Variants in UNC79 observed in about 807,000 individuals in gnomAD.
The protein encoded by UNC79 is protein unc-79 homolog.
A neutral mutation model predicts 283.1 loss-of-function variants in UNC79; 37 were observed. The ratio of observed to expected loss-of-function variants is 0.13; its 90% CI spans 0.10 to 0.17. The LOEUF is 0.17. UNC79 is among the 10% of genes least tolerant of loss of function. UNC79 has a pLI of 1.00. For synonymous variants in UNC79, 1,107 were observed against 1,200.2 expected (o/e 0.92, Z 1.61); for missense variants, 2,272 against 3,211.1 (o/e 0.71, Z 7.07).
intron 1 of UNC79, among the ~76,000 whole-genome samples, chr14:93,409,918 G>A (rs540312834): frequency 2.0e-5 from 3 of 152,242 alleles, no homozygotes; most frequent in African/African-American, 7.2e-5. Flanking sequence ...CTGAATAGAG[G>A]CTTCACCAAT....
intron 1 of UNC79, among the ~76,000 whole-genome samples, chr14:93,357,460 G>T (rs1002648803): frequency 1.9e-4 from 29 of 151,832 alleles, no homozygotes; most frequent in Non-Finnish European, 3.5e-4. Context: ...TGCCAGTGTG[G>T]CCAGAATATA....
intron 1 of UNC79, among the ~76,000 whole-genome samples, chr14:93,339,847 C>T (rs1485237879): frequency 6.6e-6 from 1 of 152,218 alleles, no homozygotes. Context: ...ATGACATTTA[C>T]ACATTAAATA....
At chr14:93,455,660 T>C (rs955611420) in intron 1 of UNC79, among the ~76,000 whole-genome samples, 2 of 152,212 alleles carry the variant, frequency 1.3e-5, no homozygotes, top group African/African-American at 4.8e-5. Flanking sequence ...ATTACAGTAG[T>C]AATTTATTAT....
At chr14:93,479,203 C>CCTTCCTTT (rs2057976805) in intron 4 of UNC79, among the ~76,000 whole-genome samples, 1 of 148,480 alleles carries the variant, frequency 6.7e-6, no homozygotes, top group South Asian at 2.2e-4. Flanking sequence ...TTCCTTCCTT[C>CCTTCCTTT]CTTCCTTCCT....
chr14:93,561,506 G>C (rs952559053), intron 14 of UNC79, among the ~76,000 whole-genome samples: 1 of 152,054 alleles, frequency 6.6e-6, no homozygotes, highest in African/African-American at 2.4e-5. Context: ...TAAGACGGGG[G>C]CAGCTGTGTA....
intron 7 of UNC79, among the ~76,000 whole-genome samples, chr14:93,500,485 C>A (rs547187694): frequency 5.5e-4 from 84 of 152,274 alleles, no homozygotes; most frequent in African/African-American, 1.9e-3. Flanking sequence ...TCATTCCGGT[C>A]TATAGATTAC....
exon 4 of UNC79, chr14:93,477,635 T>C: frequency 6.2e-7 from 1 of 1,613,274 alleles, no homozygotes. Flanking sequence ...TACTTTGCCC[T>C]ACACGATGAT....
intron 1 of UNC79, among the ~76,000 whole-genome samples, chr14:93,378,591 C>G (rs1246078733): frequency 2.0e-5 from 3 of 152,050 alleles, no homozygotes; most frequent in Admixed American, 6.6e-5. Flanking sequence ...GAACCATATA[C>G]AGATAGCCTG....
At chr14:93,424,036 A>G (rs371932189) in intron 1 of UNC79, among the ~76,000 whole-genome samples, 119 of 152,362 alleles carry the variant, frequency 7.8e-4, no homozygotes, top group African/African-American at 2.7e-3. Context: ...TAATAATCCA[A>G]TTCAAAAGTG....
At chr14:93,475,460 T>C (rs910837166) in intron 3 of UNC79, among the ~76,000 whole-genome samples, 2 of 152,202 alleles carry the variant, frequency 1.3e-5, no homozygotes, top group African/African-American at 4.8e-5. Context: ...ATAATGACTA[T>C]TGGATTTGTT....
rs576796544 is a variant in UNC79, at chr14:93,654,108, C to T, written c.6282+83C>T. The stretch of plus-strand genomic sequence containing the variant: ...CTGTGGGCTGTGTTTCTTTGAGTCA[C>T]ACCATAGGATACTGCTGAGGAAGGA... On this transcript the variant is annotated intron_variant, in intron 37 of 48. Coordinates refer to ENST00000555664, the Ensembl canonical transcript of UNC79. 6.4e-5 allele frequency: 74 copies of T among 1,156,012 alleles called. 1 individual carries two copies. In the Admixed American group the frequency reaches 1.0e-3, roughly 16 times the overall value. The allele number at this position is 1,156,012 out of a possible 1,614,324, so 71.6% of individuals were successfully genotyped here.
intron 30 of UNC79, among the ~76,000 whole-genome samples, chr14:93,625,963 C>G (rs866654588): frequency 1.8e-4 from 27 of 152,288 alleles, no homozygotes; most frequent in Non-Finnish European, 3.7e-4. Context: ...TGGTCAGCAA[C>G]AGCACATGGG....
At chr14:93,604,800 T>G in intron 26 of UNC79, 96 bp from the exon 27 acceptor site, 1 of 1,218,412 alleles carries the variant, frequency 8.2e-7, no homozygotes, top group Non-Finnish European at 1.1e-6. Flanking sequence ...AAATGAAACC[T>G]GCCCCTACTA....
chr14:93,564,890 C>T (rs7155902), intron 14 of UNC79, among the ~76,000 whole-genome samples: 131,402 of 152,170 alleles, frequency 0.86, 56,834 homozygotes, highest in East Asian at 0.94. Flanking sequence ...TTTTTAATTT[C>T]CAATTACTTC....
chr14:93,501,427 C>A (rs528497590), intron 7 of UNC79, among the ~76,000 whole-genome samples: 2 of 151,602 alleles, frequency 1.3e-5, no homozygotes, highest in South Asian at 2.1e-4. Context: ...CAGTGGCTCA[C>A]GCCTGTAATC....
chr14:93,387,733 C>T lies in UNC79; in HGVS notation c.-351+54210C>T, dbSNP rs10133846. On this transcript the variant is annotated intron_variant, in intron 1 of 49. Transcript: ENST00000256339. Reference sequence around the variant, plus strand: ...TTCTGCAGTCGTTGCATGAAATGTTCTGTAAATCTCTATTAGCTCCATTTG... The same window carrying T: ...TTCTGCAGTCGTTGCATGAAATGTTTTGTAAATCTCTATTAGCTCCATTTG... 4.1e-3 allele frequency among the ~76,000 whole-genome samples: 631 copies of T among 152,292 alleles called. 8 individuals are homozygous for T. Among genetic ancestry groups the T allele is most frequent in the African/African-American group, 0.014 (598 of 41,546 alleles).
intron 8 of UNC79, among the ~76,000 whole-genome samples, chr14:93,524,603 A>G (rs1298559437): frequency 1.3e-5 from 2 of 152,212 alleles, no homozygotes; most frequent in Admixed American, 6.5e-5. Flanking sequence ...AAAACTGGAG[A>G]CAGAACCAGG....
chr14:93,436,892 T>C lies in UNC79; in HGVS notation c.22+5841T>C, dbSNP rs569445086. Among the ~76,000 whole-genome samples the C allele has an allele frequency of 2.6e-5, 4 of 152,252 alleles. No homozygotes were observed. The East Asian group carries it at 7.7e-4, about 29-fold the overall frequency. On this transcript the variant is annotated intron_variant, in intron 1 of 48. Transcript: ENST00000555664. ...CTCCTTCTGGACTTTTCAAGACCAATGTTACCAACAGCATACAGCTTATCA... is the reference window on the plus strand; with the variant it reads ...CTCCTTCTGGACTTTTCAAGACCAACGTTACCAACAGCATACAGCTTATCA...
Position 93,531,717 on chromosome 14 carries a change from G to C in UNC79, c.1094-833G>C, listed in dbSNP as rs1274027988. On this transcript the variant is annotated intron_variant, in intron 10 of 48. Transcript: ENST00000555664. The surrounding 1 kb of genome is among the most constrained non-coding windows in gnomAD (Gnocchi z 4.2). ...TTTTGATATTGCAAATAATCCGATGGTGATGCTGTAAATATATCACATTAA... is the reference window on the plus strand; with the variant it reads ...TTTTGATATTGCAAATAATCCGATGCTGATGCTGTAAATATATCACATTAA... Among the ~76,000 whole-genome samples the C allele has an allele frequency of 1.3e-5, 2 of 152,156 alleles. No homozygotes were observed. Among genetic ancestry groups the C allele is most frequent in the Non-Finnish European group, 2.9e-5 (2 of 68,020 alleles).
Sources: gnomAD v4.1 joint callset for allele counts (sites outside exome capture counted in the v4.1 genomes callset) on GRCh38, gnomAD v4.1.1 for gene constraint, Gnocchi (gnomAD v3.1) non-coding constraint, MANE v1.5 for transcripts, NCBI Gene and HGNC (gene_info 2026-07-23, HGNC 2026-07-21) for gene names.